Variants in TBC1D5 observed in about 807,000 individuals in gnomAD.
TBC1D5 encodes TBC1 domain family, member 5.
A neutral mutation model predicts 100.3 loss-of-function variants in TBC1D5; 75 were observed. The observed-to-expected ratio is 0.75, with a 90% CI of 0.62 to 0.91. TBC1D5 has a LOEUF of 0.91. TBC1D5 is among the 40% of genes least tolerant of loss of function. TBC1D5 has a pLI of 0.00. For synonymous variants in TBC1D5, 323 were observed against 325.6 expected, an observed-to-expected ratio of 0.99 and a Z score of 0.09; for missense variants, 910 against 942.4, an observed-to-expected ratio of 0.97 and a Z score of 0.45.
At chr3:17,463,250 G>T (rs1044785267) in intron 3 of TBC1D5, among the ~76,000 whole-genome samples, 1 of 152,118 alleles carries the variant, frequency 6.6e-6, no homozygotes, top group South Asian at 2.1e-4. Flanking sequence ...GTTTCTACAA[G>T]CATTCTGACA....
intron 1 of TBC1D5, among the ~76,000 whole-genome samples, chr3:17,734,570 C>T (rs765948257): frequency 4.6e-5 from 7 of 152,100 alleles, no homozygotes; most frequent in African/African-American, 7.2e-5. Flanking sequence ...AGCCTATCTA[C>T]GTAAGATACC....
At chr3:17,658,476 G>C (rs1326433475) in intron 1 of TBC1D5, among the ~76,000 whole-genome samples, 1 of 152,048 alleles carries the variant, frequency 6.6e-6, no homozygotes, top group East Asian at 1.9e-4. Flanking sequence ...GATTAATAGG[G>C]GAAGGGAAGG....
intron 15 of TBC1D5, among the ~76,000 whole-genome samples, chr3:17,269,614 AG>A (rs2079182015): frequency 6.6e-6 from 1 of 152,202 alleles, no homozygotes; most frequent in South Asian, 2.1e-4. Flanking sequence ...AGTACCCAAT[AG>A]GAAGTTTTAT....
intron 7 of TBC1D5, among the ~76,000 whole-genome samples, chr3:17,403,689 T>C (rs2093699480): frequency 6.6e-6 from 1 of 152,182 alleles, no homozygotes; most frequent in African/African-American, 2.4e-5. Flanking sequence ...ACACAGGTTA[T>C]ATGGAAATAC....
intron 1 of TBC1D5, among the ~76,000 whole-genome samples, chr3:17,681,374 C>G (rs2069447455): frequency 6.6e-6 from 1 of 151,502 alleles, no homozygotes; most frequent in Admixed American, 6.6e-5. Flanking sequence ...CATGTATGTT[C>G]TAAACACAAA....
intron 3 of TBC1D5, among the ~76,000 whole-genome samples, chr3:17,484,839 G>A (rs895409301): frequency 6.6e-6 from 1 of 151,988 alleles, no homozygotes; most frequent in African/African-American, 2.4e-5. Context: ...TGAATTTACA[G>A]GGTACATGAC....
At chr3:17,548,141 C>A (rs1322321043) in intron 2 of TBC1D5, among the ~76,000 whole-genome samples, 3 of 151,968 alleles carry the variant, frequency 2.0e-5, no homozygotes, top group Non-Finnish European at 4.4e-5. Flanking sequence ...TGGTGAAACC[C>A]CATCTCTATT....
intron 13 of TBC1D5, among the ~76,000 whole-genome samples, chr3:17,341,390 G>A (rs1239626080): frequency 1.3e-5 from 2 of 152,064 alleles, no homozygotes; most frequent in South Asian, 2.1e-4. Flanking sequence ...TAGAGACGGG[G>A]TTTCACTGTG....
At chr3:17,185,660 A>G (rs2068951283) in intron 18 of TBC1D5, among the ~76,000 whole-genome samples, 1 of 151,972 alleles carries the variant, frequency 6.6e-6, no homozygotes, top group Non-Finnish European at 1.5e-5. Flanking sequence ...TTCCCTTTTT[A>G]TAAGACAAAT....
At chr3:17,660,178 C>A (rs1019701055) in intron 1 of TBC1D5, among the ~76,000 whole-genome samples, 6 of 152,146 alleles carry the variant, frequency 3.9e-5, no homozygotes, top group African/African-American at 1.4e-4. Context: ...ATTTTCATTT[C>A]TGTGTTCTGT....
chr3:17,449,972 T>C (rs2094887673), intron 3 of TBC1D5, among the ~76,000 whole-genome samples: 1 of 151,986 alleles, frequency 6.6e-6, no homozygotes, highest in Non-Finnish European at 1.5e-5. Flanking sequence ...AGACACCTCA[T>C]ATAGGAGAGC....
intron 2 of TBC1D5, among the ~76,000 whole-genome samples, chr3:17,612,535 CAGG>C: frequency 6.6e-6 from 1 of 151,972 alleles, no homozygotes; most frequent in East Asian, 1.9e-4. Context: ...GAGGCTGAGG[CAGG>C]AGAATACCTT....
intron 9 of TBC1D5, among the ~76,000 whole-genome samples, chr3:17,382,428 C>T (rs922056109): frequency 2.0e-5 from 3 of 151,864 alleles, no homozygotes; most frequent in Admixed American, 6.6e-5. Context: ...AAAAAAAACA[C>T]GTATCTTACT....
At position 17,371,998 on chromosome 3, in the gene TBC1D5, C is replaced by T. The variant is rs905646741; in HGVS notation, c.995+77G>A. 3 of 1,416,828 alleles carry T rather than the reference C, an allele frequency of 2.1e-6. No individual in the cohort carries two copies. In the Admixed American group the frequency reaches 6.0e-5, roughly 28 times the overall value. 87.8% of individuals were successfully genotyped at this position (1,416,828 alleles called of 1,614,324 possible). ...TTTGCAGTAAGCCAAGATCATGCCA[C>T]TGCACTCTAGCATGGGTGAAAGATG... On this transcript the variant is annotated intron_variant, in intron 13 of 21. Transcript: ENST00000253692.
At chr3:17,477,658 T>C (rs376876427) in intron 3 of TBC1D5, among the ~76,000 whole-genome samples, 13 of 152,068 alleles carry the variant, frequency 8.5e-5, no homozygotes, top group African/African-American at 2.9e-4. Flanking sequence ...TTTAAAATTT[T>C]CATACATACT....
At chr3:17,389,053 A>G (rs1262455882) in intron 8 of TBC1D5, among the ~76,000 whole-genome samples, 1 of 152,178 alleles carries the variant, frequency 6.6e-6, no homozygotes, top group East Asian at 1.9e-4. Flanking sequence ...TGTTGATATT[A>G]TCTCTTAAGA....
At chr3:17,388,903 G>A in intron 8 of TBC1D5, among the ~76,000 whole-genome samples, 1 of 151,840 alleles carries the variant, frequency 6.6e-6, no homozygotes, top group East Asian at 1.9e-4. Context: ...AAATACCATA[G>A]TGCCATTGTA....
chr3:17,328,799 T>C (rs1253085719), intron 13 of TBC1D5, among the ~76,000 whole-genome samples: 2 of 152,226 alleles, frequency 1.3e-5, no homozygotes, highest in African/African-American at 2.4e-5. Flanking sequence ...AAATTCTTTA[T>C]GGATTTTGGA....
chr3:17,591,931 T>A (rs1230157489), intron 2 of TBC1D5, among the ~76,000 whole-genome samples: 1 of 152,270 alleles, frequency 6.6e-6, no homozygotes, highest in Non-Finnish European at 1.5e-5. Flanking sequence ...CTATTTGGCC[T>A]ATGCAGAAGA....
Sources: gnomAD v4.1 joint callset for allele counts (sites outside exome capture counted in the v4.1 genomes callset) on GRCh38, gnomAD v4.1.1 for gene constraint, MANE v1.5 for transcripts, NCBI Gene and HGNC (gene_info 2026-07-23, HGNC 2026-07-21) for gene names.